Variants in SAMD4A observed in about 807,000 individuals in gnomAD.
The protein encoded by SAMD4A is protein Smaug homolog 1.
In SAMD4A, 33 loss-of-function variants were observed where a neutral mutation model predicts 81.3. The observed-to-expected ratio is 0.41, with a 90% CI of 0.31 to 0.54. SAMD4A has a LOEUF of 0.54. Among genes scored for constraint, SAMD4A ranks in the 20% least tolerant of loss-of-function variants. The probability of loss-of-function intolerance (pLI) is 0.37; values close to 1 mark genes in which losing one functional copy is unlikely to be tolerated. For missense variants in SAMD4A, 854 were observed against 951.1 expected, an observed-to-expected ratio of 0.90 and a Z score of 1.34; for synonymous variants, 389 against 382.1, an observed-to-expected ratio of 1.02 and a Z score of -0.21.
At chr14:54,774,813 CAAAAAAAA>C (rs546617416) in intron 9 of SAMD4A, 113 bp from the exon 10 acceptor site, 59 of 643,692 alleles carry the variant, frequency 9.2e-5, no homozygotes, top group Non-Finnish European at 1.2e-4. Flanking sequence ...GACCCTGACT[CAAAAAAAA>C]AAAAAAAAAA....
chr14:54,628,304 C>T (rs1358994976), intron 2 of SAMD4A, among the ~76,000 whole-genome samples: 3 of 152,168 alleles, frequency 2.0e-5, no homozygotes, highest in East Asian at 1.9e-4. Flanking sequence ...GCGCTTTGCC[C>T]GGACGGTCTA....
chr14:54,677,740 A>G (rs1280394809), intron 2 of SAMD4A, among the ~76,000 whole-genome samples: 1 of 152,244 alleles, frequency 6.6e-6, no homozygotes, highest in East Asian at 1.9e-4. Context: ...GAATACCACA[A>G]TATTGTTTTA....
chr14:54,769,754 A>G (rs745987323), intron 8 of SAMD4A, among the ~76,000 whole-genome samples: 1 of 152,236 alleles, frequency 6.6e-6, no homozygotes, highest in Non-Finnish European at 1.5e-5. Context: ...TGCAAAAGCC[A>G]GAGTATTCAA....
At chr14:54,594,922 C>T (rs574113895) in intron 2 of SAMD4A, among the ~76,000 whole-genome samples, 2 of 152,198 alleles carry the variant, frequency 1.3e-5, no homozygotes, top group East Asian at 1.9e-4. Context: ...AGTTTAGGGC[C>T]AACCATGAAT....
chr14:54,720,945 CT>C (rs1419959590), intron 3 of SAMD4A, among the ~76,000 whole-genome samples: 1 of 152,160 alleles, frequency 6.6e-6, no homozygotes, highest in Non-Finnish European at 1.5e-5. Context: ...CCCTCATGTC[CT>C]TCTGTCTTCC....
intron 2 of SAMD4A, among the ~76,000 whole-genome samples, chr14:54,640,338 T>A (rs911160349): frequency 7.2e-5 from 11 of 152,220 alleles, no homozygotes; most frequent in African/African-American, 2.4e-4. Flanking sequence ...CTAAAATCTC[T>A]TATCTGTGTT....
intron 2 of SAMD4A, among the ~76,000 whole-genome samples, chr14:54,572,274 T>A (rs544042629): frequency 6.6e-6 from 1 of 152,274 alleles, no homozygotes; most frequent in South Asian, 2.1e-4. Flanking sequence ...AGCCACTTAT[T>A]GCCTGGGGAA....
At chr14:54,751,610 A>G in intron 6 of SAMD4A, 73 bp downstream of exon 6, 1 of 963,452 alleles carries the variant, frequency 1.0e-6, no homozygotes, top group Non-Finnish European at 1.7e-6. Flanking sequence ...CTCCACTGGA[A>G]GTGTCATCGA....
intron 5 of SAMD4A, among the ~76,000 whole-genome samples, chr14:54,751,103 A>C (rs979555993): frequency 6.6e-6 from 1 of 152,104 alleles, no homozygotes; most frequent in Non-Finnish European, 1.5e-5. Flanking sequence ...CTCTACTAAA[A>C]ATACAAAAAT....
At chr14:54,769,969 C>T (rs369238399) in intron 8 of SAMD4A, 135 bp from the exon 9 acceptor site, 28 of 637,498 alleles carry the variant, frequency 4.4e-5, no homozygotes, top group South Asian at 3.9e-4. Context: ...AAACTGACTA[C>T]GTTTGGACCA....
chr14:54,626,052 G>A (rs2034744422), intron 2 of SAMD4A, among the ~76,000 whole-genome samples: 2 of 126,200 alleles, frequency 1.6e-5, no homozygotes, highest in South Asian at 4.6e-4. Flanking sequence ...GTGTGTGTGT[G>A]TGTGTGTGCG....
chr14:54,681,780 T>C, intron 2 of SAMD4A: 3 of 985,096 alleles, frequency 3.0e-6, no homozygotes, highest in Non-Finnish European at 3.6e-6. Flanking sequence ...GAGCCCCAAA[T>C]GAAAAATATG....
intron 2 of SAMD4A, among the ~76,000 whole-genome samples, chr14:54,667,874 C>T (rs1196567239): frequency 3.3e-5 from 5 of 152,208 alleles, no homozygotes; most frequent in African/African-American, 2.4e-5. Context: ...AGAGAGGTTA[C>T]GTGAGCGCCC....
chr14:54,733,312 T>C lies in SAMD4A; in HGVS notation c.716-3712T>C, dbSNP rs1193132099. The stretch of plus-strand genomic sequence containing the variant: ...CAAAAATTAGTGTCCTAATGATATA[T>C]GCATGCGTGCATACTGGCATATATA... On this transcript the variant is annotated intron_variant, in intron 3 of 12. Coordinates refer to ENST00000554335, the MANE Select transcript of SAMD4A (RefSeq NM_015589.6). Among the ~76,000 whole-genome samples, 6 of 152,328 alleles carry C rather than the reference T, an allele frequency of 3.9e-5. No individual in the cohort carries two copies. In the East Asian group the frequency reaches 9.6e-4, roughly 24 times the overall value.
intron 2 of SAMD4A, among the ~76,000 whole-genome samples, chr14:54,644,542 A>T (rs1356813929): frequency 6.6e-6 from 1 of 152,214 alleles, no homozygotes; most frequent in Non-Finnish European, 1.5e-5. Context: ...GGCTACATGC[A>T]ATTAGTCACA....
At chr14:54,566,626 C>G (rs755136721), upstream of SAMD4A, among the ~76,000 whole-genome samples, 2 of 151,726 alleles carry the variant, frequency 1.3e-5, no homozygotes, top group African/African-American at 4.8e-5. Flanking sequence ...CTGCGGACCC[C>G]GGCCGTCCCC....
At chr14:54,786,938 C>T (rs1332836494) in intron 12 of SAMD4A, among the ~76,000 whole-genome samples, 2 of 152,150 alleles carry the variant, frequency 1.3e-5, no homozygotes, top group Non-Finnish European at 2.9e-5. Flanking sequence ...TGGGAAGCCT[C>T]GTAAGCAGTT....
At chr14:54,721,928 G>A (rs1277071670) in intron 3 of SAMD4A, among the ~76,000 whole-genome samples, 2 of 152,134 alleles carry the variant, frequency 1.3e-5, no homozygotes, top group African/African-American at 4.8e-5. Context: ...CTTTTTAAAT[G>A]ACAAATTGGA....
chr14:54,684,268 A>C (rs2140596142), intron 2 of SAMD4A, among the ~76,000 whole-genome samples: 1 of 152,308 alleles, frequency 6.6e-6, no homozygotes, highest in Non-Finnish European at 1.5e-5. Context: ...AGCACCCCCA[A>C]ATCGCTGGGC....
Sources: gnomAD v4.1 joint callset for allele counts (sites outside exome capture counted in the v4.1 genomes callset) on GRCh38, gnomAD v4.1.1 for gene constraint, MANE v1.5 for transcripts, NCBI Gene and HGNC (gene_info 2026-07-23, HGNC 2026-07-21) for gene names.